Variants in CDK14 observed in about 807,000 individuals in gnomAD.
The protein encoded by CDK14 is cyclin-dependent kinase 14.
A neutral mutation model predicts 60.7 loss-of-function variants in CDK14; 34 were observed. That is an observed-to-expected ratio of 0.56 (90% CI 0.43 to 0.75). The LOEUF (loss-of-function observed/expected upper bound fraction) is 0.75, where lower values mean the gene tolerates loss of function less well. Among genes scored for constraint, CDK14 ranks in the 30% least tolerant of loss-of-function variants. The pLI is 0.00. For synonymous variants in CDK14, 197 were observed against 203.7 expected (o/e 0.97, Z 0.28); for missense variants, 482 against 564.1 (o/e 0.85, Z 1.47).
intron 2 of CDK14, among the ~76,000 whole-genome samples, chr7:90,676,620 C>T (rs1343584248): frequency 6.6e-6 from 1 of 151,350 alleles, no homozygotes; most frequent in East Asian, 1.9e-4. Context: ...GCAGCCCCAA[C>T]CTTTTGGGTT....
Position 91,168,689 on chromosome 7 carries a change from T to C in CDK14, c.*29-38476T>C, listed in dbSNP as rs564287432. 9.2e-5 allele frequency among the ~76,000 whole-genome samples: 14 copies of C among 152,342 alleles called. No homozygotes were observed. The East Asian group carries it at 2.7e-3, about 29-fold the overall frequency. ...AGTTACATTTTATTTCTTAATTAAG[T>C]ATCACACTTTATACCATCATGCTTC... On this transcript the variant is annotated intron_variant, in intron 14 of 14. Transcript: ENST00000380050.
intron 8 of CDK14, among the ~76,000 whole-genome samples, chr7:90,940,388 G>A (rs1366124078): frequency 6.6e-6 from 1 of 152,072 alleles, no homozygotes; most frequent in African/African-American, 2.4e-5. Flanking sequence ...TTTTGTATCT[G>A]TACTGTAATT....
At chr7:91,002,707 T>C (rs1795875258) in intron 10 of CDK14, among the ~76,000 whole-genome samples, 2 of 152,084 alleles carry the variant, frequency 1.3e-5, no homozygotes, top group Admixed American at 6.6e-5. Context: ...CATGACACCA[T>C]GTGTTAAGTG....
At chr7:90,931,176 T>C (rs914190161) in intron 8 of CDK14, among the ~76,000 whole-genome samples, 45 of 152,198 alleles carry the variant, frequency 3.0e-4, no homozygotes, top group African/African-American at 9.4e-4. Context: ...ATTAGTGCTA[T>C]TAAAATTCAG....
At chr7:90,669,334 C>T (rs983695752) in intron 2 of CDK14, among the ~76,000 whole-genome samples, 6 of 152,138 alleles carry the variant, frequency 3.9e-5, no homozygotes, top group Non-Finnish European at 8.8e-5. Context: ...ACTTGGTTTG[C>T]TCTTTGTGAA....
chr7:90,632,953 G>A (rs988810696), intron 2 of CDK14, among the ~76,000 whole-genome samples: 3 of 152,096 alleles, frequency 2.0e-5, no homozygotes, highest in African/African-American at 7.2e-5. Context: ...GCTGGGTGTG[G>A]TGGCACATGC....
chr7:90,659,885 G>GTA, intron 2 of CDK14, among the ~76,000 whole-genome samples: 1 of 119,418 alleles, frequency 8.4e-6, no homozygotes, highest in South Asian at 2.9e-4. Context: ...CTGTGTGTGT[G>GTA]TGTGTGTGTG....
At chr7:91,045,617 G>T (rs1430804652) in intron 10 of CDK14, among the ~76,000 whole-genome samples, 2 of 152,140 alleles carry the variant, frequency 1.3e-5, no homozygotes, top group African/African-American at 4.8e-5. Context: ...ACAGCTCATT[G>T]TTTGATTCCT....
intron 2 of CDK14, among the ~76,000 whole-genome samples, chr7:90,656,565 A>C (rs535224234): frequency 1.3e-5 from 2 of 152,112 alleles, no homozygotes; most frequent in South Asian, 4.2e-4. Flanking sequence ...TTTTTAGTAG[A>C]GATGGAGTTT....
intron 2 of CDK14, chr7:90,709,472 G>C (rs1801982347): frequency 6.3e-7 from 1 of 1,585,842 alleles, no homozygotes; most frequent in South Asian, 1.1e-5. Flanking sequence ...GTATTCTTCT[G>C]AAGCAGCCCT....
chr7:91,134,178 A>T (rs1800199756), intron 14 of CDK14, among the ~76,000 whole-genome samples: 1 of 152,124 alleles, frequency 6.6e-6, no homozygotes, highest in African/African-American at 2.4e-5. Context: ...CTATGCCAAG[A>T]CTAATTCTAC....
In CDK14 at chr7:90,649,435, CT is replaced by C. The variant is rs1166106540; in HGVS notation, c.123+45189del. 2.1e-4 allele frequency among the ~76,000 whole-genome samples: 28 copies of C among 130,360 alleles called. 1 individual carries two copies. The highest frequency in any genetic ancestry group is 4.1e-4 in the African/African-American group (14 of 34,074). The allele number at this position is 130,360 out of a possible 152,430, so 85.5% of individuals were successfully genotyped here. ...TTTCTTTCTTTCCTTCTTTCTTTCT[CT>C]TTCCTTCCTTCTTTCCTTCTTTATT... On this transcript the variant is annotated intron_variant, in intron 2 of 14. Coordinates refer to ENST00000380050, the MANE Select transcript of CDK14 (RefSeq NM_001287135.2).
intron 11 of CDK14, among the ~76,000 whole-genome samples, chr7:91,049,595 A>G (rs1797333655): frequency 6.6e-6 from 1 of 152,144 alleles, no homozygotes; most frequent in African/African-American, 2.4e-5. Flanking sequence ...TGTAAGAAAA[A>G]CCAGTTTGGG....
intron 11 of CDK14, among the ~76,000 whole-genome samples, chr7:91,059,915 T>C (rs1797723985): frequency 6.6e-6 from 1 of 152,232 alleles, no homozygotes; most frequent in African/African-American, 2.4e-5. Context: ...TAGATGTCTA[T>C]TAGGTCTGCT....
At chr7:90,711,854 C>G (rs1802071074) in intron 2 of CDK14, among the ~76,000 whole-genome samples, 1 of 146,248 alleles carries the variant, frequency 6.8e-6, no homozygotes, top group Non-Finnish European at 1.5e-5. Context: ...AGATCTAGTC[C>G]TGGTTCTTAT....
intron 2 of CDK14, 166 bp from the exon 3 acceptor site, chr7:90,726,401 G>C: frequency 4.8e-6 from 6 of 1,258,610 alleles, no homozygotes; most frequent in Non-Finnish European, 6.4e-6. Flanking sequence ...ATGATTGTGA[G>C]GATTTTTTTG....
chr7:90,869,670 A>T (rs929864477), intron 6 of CDK14, among the ~76,000 whole-genome samples: 5 of 152,206 alleles, frequency 3.3e-5, no homozygotes, highest in Non-Finnish European at 7.3e-5. Flanking sequence ...TAAACATGAG[A>T]TGATGTCTGC....
chr7:90,943,613 G>T (rs986892976), intron 8 of CDK14, among the ~76,000 whole-genome samples: 1 of 152,106 alleles, frequency 6.6e-6, no homozygotes, highest in African/African-American at 2.4e-5. Context: ...CTTATTAATA[G>T]ACTTGTATTT....
chr7:90,867,898 G>A (rs1791239409), intron 6 of CDK14, among the ~76,000 whole-genome samples: 2 of 151,972 alleles, frequency 1.3e-5, no homozygotes, highest in African/African-American at 4.8e-5. Flanking sequence ...AGTGGAGGTG[G>A]GCGGATTGCT....
Sources: allele counts gnomAD v4.1 joint callset (sites outside exome capture counted in the v4.1 genomes callset), GRCh38; gene constraint gnomAD v4.1.1; transcripts MANE v1.5; gene names NCBI Gene and HGNC (gene_info 2026-07-23, HGNC 2026-07-21).